Variants in LRRC9 observed in about 807,000 individuals in gnomAD.
The protein encoded by LRRC9 is leucine rich repeat containing 9.
Under a neutral mutation model 63.2 loss-of-function variants are expected in LRRC9, and 122 were observed. That is an observed-to-expected ratio of 1.93 (90% CI 1.67 to 2.24). LRRC9 has a LOEUF of 2.24. Among genes scored for constraint, LRRC9 ranks in the 30% most tolerant of loss-of-function variants. The pLI is 0.00. For synonymous variants in LRRC9, 366 were observed against 213.1 expected (o/e 1.72, Z -6.25); for missense variants, 1,071 against 627.7 (o/e 1.71, Z -7.55).
intron 30 of LRRC9, among the ~76,000 whole-genome samples, chr14:60,055,053 C>G (rs1205549964): frequency 1.3e-5 from 2 of 152,184 alleles, no homozygotes; most frequent in African/African-American, 4.8e-5. Flanking sequence ...AGCCATTGCA[C>G]CCGGCCCCCT....
intron 22 of LRRC9, among the ~76,000 whole-genome samples, chr14:60,007,557 C>T (rs1378695668): frequency 6.6e-6 from 1 of 152,094 alleles, no homozygotes; most frequent in Admixed American, 6.6e-5. Context: ...GTCTTTTATT[C>T]CTGTTATATC....
exon 25 of LRRC9, chr14:60,018,463 A>G (rs151255023): frequency 1.9e-5 from 13 of 698,722 alleles, no homozygotes; most frequent in Non-Finnish European, 2.9e-5. Context: ...GGATTAATCT[A>G]TCTACCTAAT....
At chr14:60,040,626 A>C (rs548270175) in intron 29 of LRRC9, among the ~76,000 whole-genome samples, 2 of 151,892 alleles carry the variant, frequency 1.3e-5, no homozygotes, top group South Asian at 2.1e-4. Context: ...ATCTTCCTCC[A>C]TCCCTTTATT....
At chr14:60,043,756 C>CT (rs368065898) in intron 29 of LRRC9, among the ~76,000 whole-genome samples, 5,983 of 71,536 alleles carry the variant, frequency 0.084, 200 homozygotes, top group East Asian at 0.16. Context: ...TTTTCTTTTC[C>CT]TTTTTTTTTT....
At chr14:59,946,387 T>A (rs1180126060) in intron 8 of LRRC9, among the ~76,000 whole-genome samples, 1 of 151,454 alleles carries the variant, frequency 6.6e-6, no homozygotes, top group Non-Finnish European at 1.5e-5. Flanking sequence ...ATCTGCTATT[T>A]TCATGTGCAA....
At chr14:60,014,317 G>C (rs935111485) in intron 23 of LRRC9, among the ~76,000 whole-genome samples, 1 of 151,800 alleles carries the variant, frequency 6.6e-6, no homozygotes, top group Non-Finnish European at 1.5e-5. Flanking sequence ...GAAAAATCAA[G>C]AAAAGAAGGG....
Position 59,923,931 on chromosome 14 carries a change from G to A in LRRC9, c.-33-3980G>A, listed in dbSNP as rs1430638373. On this transcript the variant is annotated intron_variant, in intron 1 of 31. Transcript: ENST00000445360. This position sits in a 1 kb window ranked among gnomAD's most constrained non-coding sequence, Gnocchi z 4.2. ...ACTGTACTCCAGCCTGGGAGACAGA[G>A]CAAGACTCCGTCTTAAAACAACAAT... is the stretch of plus-strand genomic sequence containing the variant. Among the ~76,000 whole-genome samples, 6 of 152,214 alleles carry A rather than the reference G, an allele frequency of 3.9e-5. No homozygotes were observed. Among genetic ancestry groups the A allele is most frequent in the African/African-American group, 1.2e-4 (5 of 41,446 alleles).
At chr14:59,929,294 A>G (rs1218310849) in intron 3 of LRRC9, among the ~76,000 whole-genome samples, 1 of 152,004 alleles carries the variant, frequency 6.6e-6, no homozygotes, top group Non-Finnish European at 1.5e-5. Flanking sequence ...AAGAAGACAT[A>G]CATGTGGCTA....
intron 8 of LRRC9, among the ~76,000 whole-genome samples, chr14:59,956,060 T>A (rs1883714942): frequency 6.6e-6 from 1 of 152,126 alleles, no homozygotes; most frequent in Non-Finnish European, 1.5e-5. Context: ...TACTTCCAAT[T>A]ATGTGGTCGA....
chr14:60,028,663 T>C (rs1195334178), intron 28 of LRRC9, among the ~76,000 whole-genome samples: 6 of 152,016 alleles, frequency 3.9e-5, no homozygotes, highest in Admixed American at 3.9e-4. Flanking sequence ...CAGATAAGAG[T>C]TGAAGACATA....
At chr14:59,979,968 A>C (rs1323445572) in intron 15 of LRRC9, among the ~76,000 whole-genome samples, 1 of 152,046 alleles carries the variant, frequency 6.6e-6, no homozygotes, top group Non-Finnish European at 1.5e-5. Flanking sequence ...AAAGTATAAT[A>C]ATAATAAAAT....
At chr14:60,062,123 T>A (rs2140476435) in intron 31 of LRRC9, 1 of 398,760 alleles carries the variant, frequency 2.5e-6, no homozygotes, top group Non-Finnish European at 4.4e-6. Flanking sequence ...TTTTATCACA[T>A]CAGAATATTG....
downstream of LRRC9, among the ~76,000 whole-genome samples, chr14:60,064,240 T>C (rs919391210): frequency 1.3e-4 from 20 of 152,220 alleles, no homozygotes; most frequent in African/African-American, 4.8e-4. Flanking sequence ...TCAAATGTGG[T>C]TATGAATTTG....
chr14:59,940,477 G>A (rs562320127), intron 7 of LRRC9, among the ~76,000 whole-genome samples: 30 of 152,172 alleles, frequency 2.0e-4, no homozygotes, highest in African/African-American at 6.3e-4. Context: ...CAAGTGTCAG[G>A]TAAAGTCAGA....
chr14:60,016,865 C>A, intron 24 of LRRC9, 75 bp downstream of exon 24: 1 of 561,826 alleles, frequency 1.8e-6, no homozygotes, highest in South Asian at 2.5e-5. Flanking sequence ...CTGAAGCTTA[C>A]ATTTATACAA....
rs1345441719 is a variant in LRRC9, at chr14:60,031,820, T to A, written c.3922-175T>A. Among the ~76,000 whole-genome samples, 1 of 152,072 alleles carries A rather than the reference T, an allele frequency of 6.6e-6. No individual in the cohort carries two copies. Among genetic ancestry groups the A allele is most frequent in the Non-Finnish European group, 1.5e-5 (1 of 67,964 alleles). ...CCAGTCATGTATTTGAAATCTACAG[T>A]ACACAGCTCTGCCTTTATTCAAGAA... On this transcript the variant is annotated intron_variant, in intron 28 of 31. Coordinates refer to ENST00000445360, the Ensembl canonical transcript of LRRC9. The surrounding 1 kb of genome is among the most constrained non-coding windows in gnomAD (Gnocchi z 4.6).
chr14:60,000,984 A>C (rs1889306777), intron 19 of LRRC9, among the ~76,000 whole-genome samples: 1 of 152,122 alleles, frequency 6.6e-6, no homozygotes, highest in African/African-American at 2.4e-5. Context: ...AGGAAAAGAT[A>C]CTCCACCATA....
In LRRC9 at chr14:59,938,382, C is replaced by T. The variant is rs1437144027; in HGVS notation, c.544-8C>T. The T allele has an allele frequency of 3.0e-6, 2 of 673,082 alleles. No homozygotes were observed. Among genetic ancestry groups the T allele is most frequent in the Admixed American group, 2.2e-5 (1 of 45,308 alleles). The allele number at this position is 673,082 out of a possible 1,614,324, so 41.7% of individuals were successfully genotyped here. On this transcript the variant is annotated splice_region_variant and splice_polypyrimidine_tract_variant and intron_variant, in intron 6 of 31. Coordinates refer to ENST00000445360, the Ensembl canonical transcript of LRRC9. This position sits in a 1 kb window ranked among gnomAD's most constrained non-coding sequence, Gnocchi z 4.2. ...ATTAACTGAACATTATCTTTGCTGG[C>T]ATTTTAGGAACTCACGAACTTAACC... is the stretch of plus-strand genomic sequence containing the variant.
exon 17 of LRRC9, chr14:59,985,216 T>C (rs761766498): frequency 1.5e-6 from 1 of 648,616 alleles, no homozygotes; most frequent in South Asian, 1.7e-5. Flanking sequence ...AGATGATGTA[T>C]ACCACTTGGT....
Sources: gnomAD v4.1 joint callset for allele counts (sites outside exome capture counted in the v4.1 genomes callset) on GRCh38, gnomAD v4.1.1 for gene constraint, Gnocchi (gnomAD v3.1) non-coding constraint, MANE v1.5 for transcripts, NCBI Gene and HGNC (gene_info 2026-07-23, HGNC 2026-07-21) for gene names.